Variants in POLA1 observed in about 807,000 individuals in gnomAD.
POLA1 encodes the protein DNA polymerase alpha catalytic subunit.
A neutral mutation model predicts 124.0 loss-of-function variants in POLA1; 15 were observed. That is an observed-to-expected ratio of 0.12 (90% CI 0.08 to 0.19). The LOEUF is 0.19. Ranked by LOEUF, POLA1 falls within the 10% of genes least tolerant of loss-of-function variation. The probability of loss-of-function intolerance (pLI) is 1.00; values close to 1 mark genes in which losing one functional copy is unlikely to be tolerated. For missense variants in POLA1, 886 were observed against 1,103.4 expected (o/e 0.80, Z 2.79); for synonymous variants, 408 against 389.4 (o/e 1.05, Z -0.56).
intron 34 of POLA1, among the ~76,000 whole-genome samples, chrX:24,876,692 A>C (rs1489830151): frequency 1.1e-5 from 1 of 89,088 alleles, no homozygotes; most frequent in African/African-American, 4.1e-5. Context: ...GGGGGGGGGG[A>C]TAGTGGTAGT....
chrX:24,753,051 G>A (rs774093785), intron 26 of POLA1, among the ~76,000 whole-genome samples: 2 of 108,522 alleles, frequency 1.8e-5, no homozygotes, highest in Non-Finnish European at 1.9e-5. Flanking sequence ...TCTCTCTGTT[G>A]CCCAGGCTGG....
chrX:24,951,087 C>G (rs937445480), intron 36 of POLA1, among the ~76,000 whole-genome samples: 1 of 111,011 alleles, frequency 9.0e-6, no homozygotes, highest in Non-Finnish European at 1.9e-5. Flanking sequence ...AGCTTATAAC[C>G]AGGGACAGCA....
chrX:24,949,365 C>G (rs1368541243), intron 36 of POLA1, among the ~76,000 whole-genome samples: 4 of 111,337 alleles, frequency 3.6e-5, no homozygotes, highest in African/African-American at 1.3e-4. Context: ...CCTGAATGGC[C>G]ACAATTGACT....
At chrX:24,924,536 C>A (rs150072632) in intron 35 of POLA1, among the ~76,000 whole-genome samples, 1 of 111,705 alleles carries the variant, frequency 9.0e-6, no homozygotes, top group African/African-American at 3.3e-5. Context: ...CAGCTCACAT[C>A]CTAGGAGGCT....
At chrX:24,990,169 A>G (rs1010604987) in intron 36 of POLA1, among the ~76,000 whole-genome samples, 1 of 112,374 alleles carries the variant, frequency 8.9e-6, no homozygotes, top group South Asian at 3.7e-4. Flanking sequence ...ACAGTTTGAT[A>G]TTTCCTATAA....
chrX:24,825,052 G>A (rs2046149997), intron 31 of POLA1, among the ~76,000 whole-genome samples: 2 of 111,941 alleles, frequency 1.8e-5, no homozygotes, highest in Admixed American at 1.9e-4. Context: ...GTAAAAGGCA[G>A]TCTAAATACA....
At chrX:24,904,561 T>G (rs2047332959) in intron 35 of POLA1, among the ~76,000 whole-genome samples, 1 of 111,096 alleles carries the variant, frequency 9.0e-6, no homozygotes, top group Non-Finnish European at 1.9e-5. Flanking sequence ...CTCTTTCTCT[T>G]TCTTCCTATC....
At chrX:24,701,158 C>T (rs1307894053) in intron 2 of POLA1, among the ~76,000 whole-genome samples, 4 of 111,305 alleles carry the variant, frequency 3.6e-5, no homozygotes, top group Non-Finnish European at 7.5e-5. Context: ...GACTATTTTG[C>T]ATCTCTTTTG....
chrX:24,949,239 A>G (rs1256221883), intron 36 of POLA1, among the ~76,000 whole-genome samples: 4 of 111,927 alleles, frequency 3.6e-5, no homozygotes, highest in Non-Finnish European at 7.5e-5. Flanking sequence ...TGCCTGAAGA[A>G]CACCTCAAAT....
At chrX:24,791,975 A>C (rs1309595686) in intron 26 of POLA1, among the ~76,000 whole-genome samples, 1 of 112,306 alleles carries the variant, frequency 8.9e-6, no homozygotes, top group Non-Finnish European at 1.9e-5. Flanking sequence ...TTACTCAAAA[A>C]AGTTGAATTT....
intron 36 of POLA1, among the ~76,000 whole-genome samples, chrX:24,991,030 TG>T (rs992982162): frequency 2.7e-5 from 3 of 112,394 alleles, no homozygotes; most frequent in African/African-American, 9.7e-5. Flanking sequence ...AATAGGTTCT[TG>T]GAATTACAGC....
chrX:24,911,533 A>G (rs748991673), intron 35 of POLA1, among the ~76,000 whole-genome samples: 26 of 110,564 alleles, frequency 2.4e-4, no homozygotes, highest in Non-Finnish European at 4.2e-4. Context: ...AAATACCCTG[A>G]GTTTGCACCT....
chrX:24,961,160 T>C (rs1431499466), intron 36 of POLA1, among the ~76,000 whole-genome samples: 2 of 111,083 alleles, frequency 1.8e-5, no homozygotes, highest in East Asian at 5.7e-4. Context: ...GCACAACTCC[T>C]TTCTTGCCTC....
At chrX:24,876,693 T>G (rs2046941051) in intron 34 of POLA1, among the ~76,000 whole-genome samples, 2 of 98,172 alleles carry the variant, frequency 2.0e-5, no homozygotes, top group African/African-American at 3.7e-5. Context: ...GGGGGGGGGA[T>G]AGTGGTAGTG....
intron 34 of POLA1, among the ~76,000 whole-genome samples, chrX:24,870,808 G>A (rs1207594954): frequency 4.5e-5 from 5 of 111,816 alleles, no homozygotes; most frequent in African/African-American, 9.8e-5. Context: ...AGACATGAAA[G>A]TAGATTCAGG....
intron 34 of POLA1, among the ~76,000 whole-genome samples, chrX:24,872,368 C>T (rs760338304): frequency 1.8e-5 from 2 of 110,874 alleles, no homozygotes; most frequent in Admixed American, 9.6e-5. Context: ...AGAGGAAATA[C>T]CTAGGAATAA....
intron 32 of POLA1, among the ~76,000 whole-genome samples, chrX:24,834,764 G>A (rs898770899): frequency 9.0e-5 from 10 of 111,414 alleles, no homozygotes; most frequent in Non-Finnish European, 1.7e-4. Context: ...GCAACAGAGC[G>A]AGACTCCGCC....
chrX:24,737,126 T>A, intron 18 of POLA1, among the ~76,000 whole-genome samples: 1 of 111,881 alleles, frequency 8.9e-6, no homozygotes, highest in Non-Finnish European at 1.9e-5. Flanking sequence ...GCATATCAAT[T>A]ATGAGTCTAA....
intron 26 of POLA1, among the ~76,000 whole-genome samples, chrX:24,754,362 A>G (rs1039806451): frequency 9.2e-6 from 1 of 108,500 alleles, no homozygotes; most frequent in African/African-American, 3.4e-5. Flanking sequence ...GGTTCAAGCG[A>G]TTCTCCTGCC....
Sources: allele counts gnomAD v4.1 joint callset (sites outside exome capture counted in the v4.1 genomes callset), GRCh38; gene constraint gnomAD v4.1.1; transcripts MANE v1.5; gene names NCBI Gene and HGNC (gene_info 2026-07-23, HGNC 2026-07-21).